Variants in S100P observed in about 807,000 individuals in gnomAD.
S100P encodes the protein S100 calcium binding protein P, also known as protein S100-P.
S100P carries 7 observed loss-of-function variants against 4.7 expected under a neutral mutation model. The ratio of observed to expected loss-of-function variants is 1.48; its 90% CI spans 0.84 to 2.77. The LOEUF (loss-of-function observed/expected upper bound fraction) is 2.77. Among genes scored for constraint, S100P ranks in the 30% most tolerant of loss-of-function variants. The probability of loss-of-function intolerance (pLI) is 0.00; values close to 1 mark genes in which losing one functional copy is unlikely to be tolerated. For synonymous variants in S100P, 48 were observed against 49.0 expected (o/e 0.98, Z 0.08); for missense variants, 122 against 120.6 (o/e 1.01, Z -0.06).
chr4:6,695,332 G>A (rs1714346755), intron 1 of S100P, among the ~76,000 whole-genome samples: 1 of 152,134 alleles, frequency 6.6e-6, no homozygotes, highest in South Asian at 2.1e-4. Flanking sequence ...GTTTTTGGTA[G>A]AAAATGTAAA....
Position 6,693,991 on chromosome 4 carries a change from G to A in S100P, c.59G>A (p.Gly20Asp), listed in dbSNP as rs757091503. Residue 20 changes from glycine to aspartate, a missense_variant, in exon 1 of 2, where the codon GGC becomes GAC. Coordinates refer to ENST00000296370, the MANE Select transcript of S100P (RefSeq NM_005980.3). ...ATAGACGTCTTTTCCCGATATTCGG[G>A]CAGCGAGGGCAGCACGCAGACCCTG... ...MIIDVFSRYSGSEGSTQTLTK... is the reference protein window; with the variant it reads ...MIIDVFSRYSDSEGSTQTLTK... 7 of 1,614,164 alleles carry A rather than the reference G, an allele frequency of 4.3e-6. No homozygotes were observed. The highest frequency in any genetic ancestry group is 8.5e-7 in the Non-Finnish European group (1 of 1,180,012).
At chr4:6,696,629 G>A (rs576419866) in intron 1 of S100P, among the ~76,000 whole-genome samples, 11 of 152,362 alleles carry the variant, frequency 7.2e-5, no homozygotes, top group Middle Eastern at 3.4e-3. Context: ...AACTCAAAAT[G>A]AAACTCCCTC....
rs374164627 is a variant in S100P at position 6,693,891 on chromosome 4, C to T, written c.-42C>T. 1.3e-4 allele frequency: 206 copies of T among 1,613,246 alleles called. No homozygotes were observed. Among genetic ancestry groups the T allele is most frequent in the Admixed American group, 3.0e-4 (18 of 59,998 alleles). On this transcript the variant is annotated 5_prime_UTR_variant, in exon 1 of 2. Coordinates refer to ENST00000296370, the MANE Select transcript of S100P (RefSeq NM_005980.3). ...GCTGCCAGTGGGACATTTTCTCGGC[C>T]CTGCCAGCCCCCAGGAGGAAGGTGG...
rs368757346 is a variant in S100P, at chr4:6,696,008, A to G, written c.139-885A>G. ...TGTACTTCCCTGCCTTACTTTTGCTATTGCAAACCATGCTGTCACTAAGGT... is the reference window on the plus strand; with the variant it reads ...TGTACTTCCCTGCCTTACTTTTGCTGTTGCAAACCATGCTGTCACTAAGGT... On this transcript the variant is annotated intron_variant, in intron 1 of 1. Coordinates refer to ENST00000296370, the MANE Select transcript of S100P (RefSeq NM_005980.3). 2.0e-4 allele frequency among the ~76,000 whole-genome samples: 31 copies of G among 152,330 alleles called. 1 individual carries two copies. The South Asian group carries it at 6.4e-3, about 32-fold the overall frequency.
At chr4:6,695,827 C>G (rs3822265) in intron 1 of S100P, among the ~76,000 whole-genome samples, 39,844 of 152,036 alleles carry the variant, frequency 0.26, 5,710 homozygotes, top group East Asian at 0.65. Flanking sequence ...GGCTGGCCTT[C>G]TGGCCCTATC....
chr4:6,697,006 C>T lies in S100P; in HGVS notation c.252C>T (p.Ala84=). Residue 84 remains alanine (A), a synonymous_variant, in exon 2 of 2, where the codon GCC becomes GCT. Coordinates refer to ENST00000296370, the MANE Select transcript of S100P (RefSeq NM_005980.3). ...FIVFVAAITS[A]CHKYFEKAGL... is the part of the protein sequence containing the mutation. ...TGTTCGTGGCTGCAATCACGTCTGC[C>T]TGTCACAAGTACTTTGAGAAGGCAG... is the stretch of plus-strand genomic sequence containing the variant. 9 of 1,613,888 alleles carry T rather than the reference C, an allele frequency of 5.6e-6. No homozygotes were observed. The highest frequency in any genetic ancestry group is 7.6e-6 in the Non-Finnish European group (9 of 1,179,796).
In S100P at chr4:6,694,040, G is replaced by A. The variant is rs771396235; in HGVS notation, c.108G>A (p.Leu36=). The A allele has an allele frequency of 6.2e-7, 1 of 1,613,376 alleles. No individual in the cohort carries two copies. The highest frequency in any genetic ancestry group is 1.3e-5 in the African/African-American group (1 of 75,062). ...TGACCAAGGGGGAGCTCAAGGTGCT[G>A]ATGGAGAAGGAGCTACCAGGCTTCC... ...QTLTKGELKV[L]MEKELPGFLQ... is the part of the protein sequence containing the mutation. Residue 36 remains leucine, a synonymous_variant, in exon 1 of 2, where the codon CTG becomes CTA. Coordinates refer to ENST00000296370, the MANE Select transcript of S100P (RefSeq NM_005980.3).
intron 1 of S100P, among the ~76,000 whole-genome samples, chr4:6,695,237 A>G (rs1714343744): frequency 6.6e-6 from 1 of 152,184 alleles, no homozygotes; most frequent in Non-Finnish European, 1.5e-5. Flanking sequence ...AAGTGCTGTG[A>G]TTACAGGCGT....
At position 6,693,942 on chromosome 4, in the gene S100P, C is replaced by G. The variant is rs774702122; in HGVS notation, c.10C>G (p.Leu4Val). ...GTCTGAATCTAGCACCATGACGGAA[C>G]TAGAGACAGCCATGGGCATGATCAT... MTE[L>V]ETAMGMIIDV... Residue 4 changes from leucine to valine, a missense_variant, in exon 1 of 2, where the codon CTA (leucine) becomes GTA (valine). Coordinates refer to ENST00000296370, the MANE Select transcript of S100P (RefSeq NM_005980.3). 3.1e-6 allele frequency: 5 copies of G among 1,614,048 alleles called. No individual in the cohort carries two copies. The African/African-American group carries it at 5.3e-5, about 17-fold the overall frequency.
intron 1 of S100P, 22 bp from the exon 2 acceptor site, chr4:6,696,871 C>A (rs1187356438): frequency 6.2e-7 from 1 of 1,605,626 alleles, no homozygotes; most frequent in Non-Finnish European, 8.5e-7. Context: ...CACTGCTGAC[C>A]TTGAGCCTCT....
Position 6,697,028 on chromosome 4 carries a change from G to T in S100P, c.274G>T (p.Ala92Ser). The change falls in exon 2 of 2, where the codon GCA (alanine) becomes TCA (serine). Residue 92 changes from alanine to serine, a missense_variant. Physicochemically the swap from Ala to Ser is moderately conservative, Grantham distance 99 (BLOSUM62 1). Coordinates refer to ENST00000296370, the MANE Select transcript of S100P (RefSeq NM_005980.3). ...TGCCTGTCACAAGTACTTTGAGAAG[G>T]CAGGACTCAAATGATGCCCTGGAGA... is the stretch of plus-strand genomic sequence containing the variant. ...TSACHKYFEK[A>S]GLK 1.2e-6 allele frequency: 2 copies of T among 1,613,082 alleles called. No individual in the cohort carries two copies. The highest frequency in any genetic ancestry group is 8.5e-7 in the Non-Finnish European group (1 of 1,179,324).
At chr4:6,694,134 C>T (rs1577322642) in intron 1 of S100P, 64 bp downstream of exon 1, 1 of 1,499,330 alleles carries the variant, frequency 6.7e-7, no homozygotes, top group East Asian at 2.3e-5. Context: ...GCGTGGCAGG[C>T]AGAGGGCTGA....
At chr4:6,694,597 C>T (rs1009700725) in intron 1 of S100P, among the ~76,000 whole-genome samples, 3 of 152,286 alleles carry the variant, frequency 2.0e-5, no homozygotes, top group Middle Eastern at 3.4e-3. Context: ...CACCTGTCTG[C>T]GCAGAGCTGT....
At chr4:6,694,125 C>T (rs1307055341) in intron 1 of S100P, 55 bp downstream of exon 1, 7 of 1,529,728 alleles carry the variant, frequency 4.6e-6, no homozygotes, top group East Asian at 4.6e-5. Flanking sequence ...AAGGGGAAGG[C>T]GTGGCAGGCA....
chr4:6,694,967 C>CT (rs59304723), intron 1 of S100P, among the ~76,000 whole-genome samples: 1,777 of 141,858 alleles, frequency 0.013, 25 homozygotes, highest in African/African-American at 0.032. Flanking sequence ...CTTTTCTTTT[C>CT]TTTTTTTTTT....
chr4:6,696,797 TG>T, intron 1 of S100P, 95 bp from the exon 2 acceptor site: 1 of 1,155,014 alleles, frequency 8.7e-7, no homozygotes, highest in Non-Finnish European at 1.2e-6. Context: ...GACGCAGATG[TG>T]GGTGCCCTGC....
intron 1 of S100P, among the ~76,000 whole-genome samples, chr4:6,695,090 C>T (rs1424589816): frequency 1.3e-5 from 2 of 151,874 alleles, no homozygotes; most frequent in Non-Finnish European, 2.9e-5. Context: ...CTCAGCCTAC[C>T]GAGTAGCTGG....
chr4:6,695,176 G>A (rs991414238), intron 1 of S100P, among the ~76,000 whole-genome samples: 1 of 152,014 alleles, frequency 6.6e-6, no homozygotes, highest in Non-Finnish European at 1.5e-5. Context: ...ATGTTGCCCA[G>A]GCTGGTCTCA....
chr4:6,696,603 G>C (rs1309848720), intron 1 of S100P, among the ~76,000 whole-genome samples: 2 of 152,228 alleles, frequency 1.3e-5, no homozygotes, highest in Non-Finnish European at 1.5e-5. Context: ...CAAATCCAAA[G>C]ACAACCCCCG....
Sources: gnomAD v4.1 joint callset for allele counts (sites outside exome capture counted in the v4.1 genomes callset) on GRCh38, gnomAD v4.1.1 for gene constraint, MANE v1.5 for transcripts, NCBI Gene and HGNC (gene_info 2026-07-23, HGNC 2026-07-21) for gene names.